The following MAGI2 variants were observed in gnomAD, a reference collection of about 807,000 sequenced individuals.
MAGI2 encodes the protein membrane associated guanylate kinase, WW and PDZ domain containing 2, also known as membrane-associated guanylate kinase, WW and PDZ domain-containing protein 2.
A neutral mutation model predicts 133.3 loss-of-function variants in MAGI2; 35 were observed. That is an observed-to-expected ratio of 0.26 (90% CI 0.20 to 0.35). MAGI2 has a LOEUF of 0.35. Among genes scored for constraint, MAGI2 ranks in the 10% least tolerant of loss-of-function variants. The pLI is 1.00. For synonymous variants in MAGI2, 729 were observed against 710.6 expected (o/e 1.03, Z -0.41); for missense variants, 1,636 against 1,863.4 (o/e 0.88, Z 2.25).
At chr7:78,419,621 T>A (rs965637514) in intron 6 of MAGI2, among the ~76,000 whole-genome samples, 10 of 124,498 alleles carry the variant, frequency 8.0e-5, no homozygotes, top group Non-Finnish European at 1.7e-4. Context: ...TTTTTTTTTT[T>A]AAGGGAAAGG....
chr7:79,360,428 T>A (rs1842307409), intron 1 of MAGI2, among the ~76,000 whole-genome samples: 1 of 132,952 alleles, frequency 7.5e-6, no homozygotes, highest in Non-Finnish European at 1.6e-5. Flanking sequence ...AACTAGAACA[T>A]CAAAAAGGAA....
intron 1 of MAGI2, among the ~76,000 whole-genome samples, chr7:79,174,249 T>C (rs1368114987): frequency 2.6e-5 from 4 of 152,110 alleles, no homozygotes; most frequent in African/African-American, 9.7e-5. Context: ...AAGAATCATC[T>C]ATTTATATCC....
chr7:78,732,670 T>C (rs1821482923), intron 2 of MAGI2, among the ~76,000 whole-genome samples: 1 of 152,172 alleles, frequency 6.6e-6, no homozygotes, highest in Non-Finnish European at 1.5e-5. Flanking sequence ...TAAAAGGGTT[T>C]ATGATAAAAA....
chr7:79,136,433 A>G (rs1036374588), intron 1 of MAGI2, among the ~76,000 whole-genome samples: 1 of 152,208 alleles, frequency 6.6e-6, no homozygotes, highest in Admixed American at 6.5e-5. Flanking sequence ...TGCAGTGAAC[A>G]TTCAAGGACT....
At chr7:79,360,342 T>G (rs887575319) in intron 1 of MAGI2, among the ~76,000 whole-genome samples, 1 of 152,074 alleles carries the variant, frequency 6.6e-6, no homozygotes, top group African/African-American at 2.4e-5. Context: ...CAACTATTCT[T>G]GGGACAAACA....
Position 79,453,261 on chromosome 7 carries a change from A to T in MAGI2, c.60T>A (p.Ile20=), listed in dbSNP as rs1213280824. 19 of 1,613,886 alleles carry T rather than the reference A, an allele frequency of 1.2e-5. No homozygotes were observed. Among genetic ancestry groups the T allele is most frequent in the Non-Finnish European group, 1.5e-5 (18 of 1,180,034 alleles). Residue 20 remains isoleucine (I), a synonymous_variant, in exon 1 of 22, where the codon ATT becomes ATA. Transcript: ENST00000354212. ...HWTSKVHESV[I]GRNPEGQLGF... ...CCAGCTGGCCCTCCGGGTTCCTGCC[A>T]ATGACACTCTCATGGACTTTGCTAG...
At chr7:78,417,706 C>A (rs936520325) in intron 6 of MAGI2, among the ~76,000 whole-genome samples, 1 of 152,088 alleles carries the variant, frequency 6.6e-6, no homozygotes, top group Admixed American at 6.6e-5. Flanking sequence ...TCCTGGGGGA[C>A]AGATATTACT....
intron 1 of MAGI2, among the ~76,000 whole-genome samples, chr7:79,433,116 AT>A (rs1847886222): frequency 6.6e-6 from 1 of 152,158 alleles, no homozygotes; most frequent in South Asian, 2.1e-4. Flanking sequence ...AACAGACTAC[AT>A]TTTTGTTTCA....
Position 78,296,972 on chromosome 7 carries a change from C to T in MAGI2, c.1409-40391G>A, listed in dbSNP as rs117949878. ...TGCTATAGCTCGCTATAGTTAAAAG[C>T]ACAAAACACTATGAAACTAGGGCTA... On this transcript the variant is annotated intron_variant, in intron 9 of 21. Transcript: ENST00000354212. Among the ~76,000 whole-genome samples, 443 of 152,282 alleles carry T rather than the reference C, an allele frequency of 2.9e-3. 14 individuals carry two copies. The East Asian group carries it at 0.054, about 19-fold the overall frequency.
At chr7:78,983,884 A>G (rs932424394) in intron 2 of MAGI2, among the ~76,000 whole-genome samples, 1 of 151,808 alleles carries the variant, frequency 6.6e-6, no homozygotes, top group Admixed American at 6.6e-5. Flanking sequence ...CTGGTTTTAC[A>G]TATTACTCAA....
At chr7:78,935,024 A>G (rs749211711) in intron 2 of MAGI2, among the ~76,000 whole-genome samples, 3 of 152,156 alleles carry the variant, frequency 2.0e-5, no homozygotes, top group Non-Finnish European at 4.4e-5. Flanking sequence ...CTTCAGTTTA[A>G]AAAGAGACAC....
intron 20 of MAGI2, among the ~76,000 whole-genome samples, chr7:78,086,382 C>G (rs149530398): frequency 2.6e-5 from 4 of 151,426 alleles, no homozygotes; most frequent in Non-Finnish European, 5.9e-5. Context: ...GGATTACAGG[C>G]GCACTCCACC....
chr7:79,148,579 C>A (rs1406029880), intron 1 of MAGI2, among the ~76,000 whole-genome samples: 1 of 151,922 alleles, frequency 6.6e-6, no homozygotes, highest in Non-Finnish European at 1.5e-5. Flanking sequence ...CTAACTGGTT[C>A]TTTATTGGTC....
chr7:78,404,298 C>A (rs369471117), intron 6 of MAGI2, among the ~76,000 whole-genome samples: 2 of 152,250 alleles, frequency 1.3e-5, no homozygotes, highest in East Asian at 3.9e-4. Flanking sequence ...TTACTTTCCT[C>A]ACAGAATTGG....
At chr7:78,557,319 GC>G (rs1201687890) in intron 3 of MAGI2, among the ~76,000 whole-genome samples, 2 of 152,008 alleles carry the variant, frequency 1.3e-5, no homozygotes, top group African/African-American at 2.4e-5. Flanking sequence ...AAAATTGGAA[GC>G]CCCCCAAAGG....
chr7:79,323,172 A>G (rs1839329185), intron 1 of MAGI2, among the ~76,000 whole-genome samples: 1 of 152,090 alleles, frequency 6.6e-6, no homozygotes, highest in South Asian at 2.1e-4. Context: ...TCACTTACAC[A>G]ACAACAATTT....
chr7:78,972,685 C>T (rs1438301210), intron 2 of MAGI2, among the ~76,000 whole-genome samples: 1 of 151,746 alleles, frequency 6.6e-6, no homozygotes, highest in African/African-American at 2.4e-5. Flanking sequence ...TTGTAATTGA[C>T]TTTATCTACA....
chr7:79,016,004 G>C lies in MAGI2; in HGVS notation c.302-8798C>G, dbSNP rs56059742. Among the ~76,000 whole-genome samples the C allele has an allele frequency of 1.1e-4, 12 of 114,074 alleles. No individual in the cohort carries two copies. In the East Asian group the frequency reaches 1.2e-3, roughly 11 times the overall value. 74.8% of individuals were successfully genotyped at this position (114,074 alleles called of 152,430 possible). On this transcript the variant is annotated intron_variant, in intron 1 of 21. Coordinates refer to ENST00000354212, the MANE Select transcript of MAGI2 (RefSeq NM_012301.4). ...TCAATGACTCCTGGAGAAGCGGGGGGGGGGGGTGGGGGTTGAGCAGGCAAG... is the reference window on the plus strand; with the variant it reads ...TCAATGACTCCTGGAGAAGCGGGGGCGGGGGGTGGGGGTTGAGCAGGCAAG...
chr7:79,287,981 A>T (rs1200827042), intron 1 of MAGI2, among the ~76,000 whole-genome samples: 1 of 152,152 alleles, frequency 6.6e-6, no homozygotes, highest in African/African-American at 2.4e-5. Flanking sequence ...AACAAAAATC[A>T]TCTTTAATTC....
Sources: allele counts gnomAD v4.1 joint callset (sites outside exome capture counted in the v4.1 genomes callset), GRCh38; gene constraint gnomAD v4.1.1; transcripts MANE v1.5; gene names NCBI Gene and HGNC (gene_info 2026-07-23, HGNC 2026-07-21).